The following HEATR5A variants were observed in gnomAD, a reference collection of about 807,000 sequenced individuals.
The protein encoded by HEATR5A is HEAT repeat-containing protein 5A.
In HEATR5A, 178 loss-of-function variants were observed where a neutral mutation model predicts 218.8. The observed-to-expected ratio is 0.81, with a 90% confidence interval of 0.72 to 0.92. The LOEUF (loss-of-function observed/expected upper bound fraction) is 0.92, where lower values mean the gene tolerates loss of function less well. Among genes scored for constraint, HEATR5A ranks in the 40% least tolerant of loss-of-function variants. The probability of loss-of-function intolerance (pLI) is 0.00; values close to 1 mark genes in which losing one functional copy is unlikely to be tolerated. For synonymous variants in HEATR5A, 864 were observed against 871.6 expected (o/e 0.99, Z 0.15); for missense variants, 2,420 against 2,418.9 (o/e 1.00, Z -0.01).
Position 31,395,267 on chromosome 14 carries a change from C to G in HEATR5A, c.529G>C (p.Asp177His), listed in dbSNP as rs917870287. The G allele has an allele frequency of 6.5e-7, 1 of 1,532,512 alleles. No homozygotes were observed. Among genetic ancestry groups the G allele is most frequent in the South Asian group, 1.2e-5 (1 of 83,850 alleles). The allele number at this position is 1,532,512 out of a possible 1,614,324, so 94.9% of individuals were successfully genotyped here. A position where few individuals can be genotyped will look rare whatever the true frequency, so the allele number is the denominator to read the frequency against. Residue 177 changes from aspartate (D) to histidine (H), a missense_variant, in exon 5 of 36, where the codon GAT (aspartate) becomes CAT (histidine). By Grantham distance (81) the Asp-to-His change is moderately conservative. Transcript: ENST00000543095. ...LGAAAAPCHR[D>H]VYKAARSCLT... ...CAGGATCTAGCAGCTTTATAAACAT[C>G]CCTGTGACAAGGTGCAGCGGCAGCT...
intron 1 of HEATR5A, among the ~76,000 whole-genome samples, chr14:31,405,240 C>G (rs2031019721): frequency 6.6e-6 from 1 of 152,032 alleles, no homozygotes; most frequent in Non-Finnish European, 1.5e-5. Context: ...TTGAGACCAG[C>G]CTGGGCAACA....
chr14:31,361,521 T>C (rs1435774002), intron 14 of HEATR5A, among the ~76,000 whole-genome samples: 2 of 152,188 alleles, frequency 1.3e-5, no homozygotes, highest in East Asian at 1.9e-4. Flanking sequence ...CTTGTTCCTA[T>C]GGCTATGTGT....
Position 31,347,816 on chromosome 14 carries a change from GAGA to G in HEATR5A, c.2797_2799del (p.Ser933del). ...ATTCCAATACAAGAATTTAGGTGTT[GAGA>G]AGAACTTATTCCTCCTAAATACCTA... On this transcript the variant is annotated inframe_deletion, in exon 19 of 36. Transcript: ENST00000543095. 1.2e-6 allele frequency: 2 copies of G among 1,608,986 alleles called. No homozygotes were observed. The highest frequency in any genetic ancestry group is 1.7e-6 in the Non-Finnish European group (2 of 1,177,268).
chr14:31,295,076 C>A (rs1899134330), intron 34 of HEATR5A, among the ~76,000 whole-genome samples: 1 of 152,044 alleles, frequency 6.6e-6, no homozygotes, highest in African/African-American at 2.4e-5. Flanking sequence ...GTTCCTGTAT[C>A]TTCAGGAGTA....
rs1899178062 is a variant in HEATR5A, at chr14:31,296,004, T to G, written c.5524A>C (p.Ile1842Leu). Residue 1842 changes from isoleucine to leucine, a missense_variant, in exon 34 of 36, where the codon ATT becomes CTT. Transcript: ENST00000543095. Reference protein sequence around the residue: ...VSLLTAITVFILSTSPEVTTI... With the variant: ...VSLLTAITVFLLSTSPEVTTI... The stretch of plus-strand genomic sequence containing the variant: ...GTTACTTCTGGACTGGTAGACAAAA[T>G]AAACACTGTGATAGCAGTAAGTAGA... 3.1e-6 allele frequency: 5 copies of G among 1,613,280 alleles called. No homozygotes were observed. Among genetic ancestry groups the G allele is most frequent in the Non-Finnish European group, 4.2e-6 (5 of 1,179,448 alleles).
At chr14:31,390,955 G>A (rs977561870) in intron 6 of HEATR5A, among the ~76,000 whole-genome samples, 5 of 152,148 alleles carry the variant, frequency 3.3e-5, no homozygotes, top group African/African-American at 1.2e-4. Context: ...GCGTGTCACT[G>A]CCCTTGAAGA....
At chr14:31,386,800 T>G (rs1234206612) in intron 8 of HEATR5A, among the ~76,000 whole-genome samples, 1 of 152,146 alleles carries the variant, frequency 6.6e-6, no homozygotes, top group South Asian at 2.1e-4. Context: ...AGAGACCCCT[T>G]ATTACTCCCT....
intron 22 of HEATR5A, among the ~76,000 whole-genome samples, chr14:31,332,750 C>T (rs985059480): frequency 2.6e-5 from 4 of 152,088 alleles, no homozygotes; most frequent in Non-Finnish European, 5.9e-5. Flanking sequence ...CTTTGAGAGA[C>T]CGAGGTGGGC....
At position 31,347,860 on chromosome 14, in the gene HEATR5A, G is replaced by A; in HGVS notation, c.2756C>T (p.Ala919Val). 6.3e-7 allele frequency: 1 copy of A among 1,578,804 alleles called. No homozygotes were observed. The highest frequency in any genetic ancestry group is 1.3e-5 in the African/African-American group (1 of 74,108). ...TAAATACCTATGTAGGGACCCCAAG[G>A]CCAATGAGTGTCCTGTTCTGGTAAC... is the stretch of plus-strand genomic sequence containing the variant. Reference protein sequence around the residue: ...DVVTRTGHSLALGSLHRYLGG... With the variant: ...DVVTRTGHSLVLGSLHRYLGG... The change falls in exon 19 of 36, where the codon GCC (alanine) becomes GTC (valine). Residue 919 changes from alanine (A) to valine (V), a missense_variant. Coordinates refer to ENST00000543095, the MANE Select transcript of HEATR5A (RefSeq NM_015473.4).
rs2030264590 is a variant in HEATR5A, at chr14:31,387,255, T to A, written c.1054A>T (p.Ile352Phe). 7 of 1,613,828 alleles carry A rather than the reference T, an allele frequency of 4.3e-6. No individual in the cohort carries two copies. The East Asian group carries it at 1.6e-4, about 36-fold the overall frequency. ...CAACGGCGACAGCAGACGGCATCGA[T>A]CTGAGTTTGGGTGGCTTTAGGGTGT... ...PSHPKATQTQ[I>F]DAVCCRRCVS... The change falls in exon 8 of 36, where the codon ATC becomes TTC. Residue 352 changes from isoleucine (I) to phenylalanine (F), a missense_variant. By Grantham distance (21) the Ile-to-Phe change is conservative. Transcript: ENST00000543095.
chr14:31,346,947 C>T (rs575177061), intron 19 of HEATR5A, among the ~76,000 whole-genome samples: 11 of 152,138 alleles, frequency 7.2e-5, no homozygotes, highest in East Asian at 1.9e-4. Flanking sequence ...ATATGTACAA[C>T]GATATGGTAA....
intron 4 of HEATR5A, among the ~76,000 whole-genome samples, chr14:31,398,001 A>G (rs893412003): frequency 1.3e-5 from 2 of 152,166 alleles, no homozygotes; most frequent in African/African-American, 4.8e-5. Flanking sequence ...GGGACCACGG[A>G]TTTAAACCTT....
chr14:31,345,160 A>G lies in HEATR5A; in HGVS notation c.2985T>C (p.Thr995=). Residue 995 remains threonine, a synonymous_variant, in exon 20 of 36, where the codon ACT becomes ACC. Coordinates refer to ENST00000543095, the MANE Select transcript of HEATR5A (RefSeq NM_015473.4). ...CAAGGCTTTGGTGAACTTCAGCATG[A>G]GTAGGAGGCACATTTAACAACAACA... ...IIMLLLNVPP[T]HAEVHQSLGR... is the part of the protein sequence containing the mutation. The G allele has an allele frequency of 6.2e-7, 1 of 1,613,992 alleles. No individual in the cohort carries two copies. Among genetic ancestry groups the G allele is most frequent in the Admixed American group, 1.7e-5 (1 of 60,014 alleles).
At chr14:31,378,126 G>C (rs2139266739) in intron 11 of HEATR5A, among the ~76,000 whole-genome samples, 1 of 152,220 alleles carries the variant, frequency 6.6e-6, no homozygotes, top group African/African-American at 2.4e-5. Context: ...ATTATTCCCA[G>C]CACACTGTGA....
At chr14:31,307,185 T>C (rs553069825) in intron 30 of HEATR5A, among the ~76,000 whole-genome samples, 2 of 152,260 alleles carry the variant, frequency 1.3e-5, no homozygotes, top group South Asian at 2.1e-4. Flanking sequence ...TTAAACCTAA[T>C]AAAAGTTAGT....
chr14:31,399,251 G>C (rs1329658163), intron 3 of HEATR5A, among the ~76,000 whole-genome samples: 1 of 152,132 alleles, frequency 6.6e-6, no homozygotes, highest in African/African-American at 2.4e-5. Flanking sequence ...TAAATCCTAA[G>C]GCACGACACT....
Position 31,395,233 on chromosome 14 carries a change from T to A in HEATR5A, c.563A>T (p.Asp188Val). 1 of 1,533,202 alleles carries A rather than the reference T, an allele frequency of 6.5e-7. No homozygotes were observed. The highest frequency in any genetic ancestry group is 2.4e-5 in the East Asian group (1 of 40,900). The allele number at this position is 1,533,202 out of a possible 1,614,324, so 95.0% of individuals were successfully genotyped here. Reference protein sequence around the residue: ...VYKAARSCLTDRSMAVRCAAA... With the variant: ...VYKAARSCLTVRSMAVRCAAA... Reference sequence around the variant, plus strand: ...AGCACAACGAACAGCCATGGATCTATCTGTCAAGCAGGATCTAGCAGCTTT... The same window carrying A: ...AGCACAACGAACAGCCATGGATCTAACTGTCAAGCAGGATCTAGCAGCTTT... The change falls in exon 5 of 36, where the codon GAT (aspartate) becomes GTT (valine). Residue 188 changes from aspartate (D) to valine (V), a missense_variant. Transcript: ENST00000543095.
chr14:31,335,722 C>T (rs1042982236), intron 22 of HEATR5A, among the ~76,000 whole-genome samples: 4 of 152,090 alleles, frequency 2.6e-5, no homozygotes, highest in Admixed American at 6.5e-5. Flanking sequence ...GGTGCAATTT[C>T]GGCCCACTAC....
At position 31,301,307 on chromosome 14, in the gene HEATR5A, G is replaced by A. The variant is rs144826522; in HGVS notation, c.5464+988C>T. On this transcript the variant is annotated intron_variant, in intron 33 of 35. Transcript: ENST00000543095. ...GTCTCGCTTTGTGCCCCAGGATGGAGTGCAGTGGCGCAACCTTGGCTCACT... is the reference window on the plus strand; with the variant it reads ...GTCTCGCTTTGTGCCCCAGGATGGAATGCAGTGGCGCAACCTTGGCTCACT... Among the ~76,000 whole-genome samples, 5 of 152,238 alleles carry A rather than the reference G, an allele frequency of 3.3e-5. No individual in the cohort carries two copies. In the East Asian group the frequency reaches 7.7e-4, roughly 24 times the overall value.
Sources: allele counts gnomAD v4.1 joint callset (sites outside exome capture counted in the v4.1 genomes callset), GRCh38; gene constraint gnomAD v4.1.1; transcripts MANE v1.5; gene names NCBI Gene and HGNC (gene_info 2026-07-23, HGNC 2026-07-21).